AANAT: variants seen among roughly 807,000 people sequenced by gnomAD.
AANAT encodes the protein serotonin N-acetyltransferase.
Under a neutral mutation model 15.6 loss-of-function variants are expected in AANAT, and 11 were observed. The observed-to-expected ratio is 0.71, with a 90% CI of 0.44 to 1.17. The LOEUF is 1.17. Ranked by LOEUF, AANAT falls within the 50% of genes most tolerant of loss-of-function variation. The probability of loss-of-function intolerance (pLI) is 0.00; values close to 1 mark genes in which losing one functional copy is unlikely to be tolerated. For synonymous variants in AANAT, 139 were observed against 131.5 expected, an observed-to-expected ratio of 1.06 and a Z score of -0.39; for missense variants, 286 against 296.3, an observed-to-expected ratio of 0.97 and a Z score of 0.26.
chr17:76,457,236 T>C (rs183267387), intron 1 of AANAT, among the ~76,000 whole-genome samples: 61 of 152,014 alleles, frequency 4.0e-4, no homozygotes, highest in African/African-American at 1.2e-3. Context: ...AGAGACGGGG[T>C]TTACCATGTT....
chr17:76,466,350 A>G (rs1419685899), upstream of AANAT: 3 of 492,536 alleles, frequency 6.1e-6, no homozygotes, highest in Admixed American at 3.9e-5. Context: ...GGTGGGCCTC[A>G]GAGTGCAGAG....
rs377349199 is a variant in AANAT, at chr17:76,468,829, G to A, written c.83G>A (p.Arg28Gln). ...PGIPESPSCQ[R>Q]RHTLPASEFR... ...ATCCCCGAGTCCCCGAGCTGTCAGC[G>A]GCGCCACACACTCCCTGCCAGTGAG... Residue 28 changes from arginine (R) to glutamine (Q), a missense_variant, in exon 2 of 4, where the codon CGG becomes CAG. Arg to Gln is a conservative substitution (Grantham distance 43). Coordinates refer to ENST00000392492, the MANE Select transcript of AANAT (RefSeq NM_001088.3). 41 of 1,613,336 alleles carry A rather than the reference G, an allele frequency of 2.5e-5. No individual in the cohort carries two copies. The Middle Eastern group carries it at 9.9e-4, about 39-fold the overall frequency.
Position 76,468,897 on chromosome 17 carries a change from A to G in AANAT, c.151A>G (p.Ile51Val). ...GGAGGACGCTGTCAGCGCCTTTGAG[A>G]TCGAGCGTGAAGGTGAGTGGCCCCG... ...TPEDAVSAFE[I>V]EREAFISVLG... Residue 51 changes from isoleucine to valine, a missense_variant, in exon 2 of 4, where the codon ATC becomes GTC. Physicochemically the swap from Ile to Val is conservative, Grantham distance 29 (BLOSUM62 3). Coordinates refer to ENST00000392492, the MANE Select transcript of AANAT (RefSeq NM_001088.3). 1 of 1,613,294 alleles carries G rather than the reference A, an allele frequency of 6.2e-7. No homozygotes were observed. The highest frequency in any genetic ancestry group is 1.1e-5 in the South Asian group (1 of 91,060).
rs985239101 is a variant in AANAT at position 76,467,672 on chromosome 17, C to T, written c.-131C>T. 25 of 985,418 alleles carry T rather than the reference C, an allele frequency of 2.5e-5. No homozygotes were observed. The highest frequency in any genetic ancestry group is 2.4e-5 in the Non-Finnish European group (20 of 830,006). The allele number at this position is 985,418 out of a possible 1,614,324, so 61.0% of individuals were successfully genotyped here. ...ACTGGTTCCCGTGCCTGCGGACAGG[C>T]CCCCAGGGCTAGCGGCTTTGTGGAG... On this transcript the variant is annotated 5_prime_UTR_variant, in exon 1 of 4. Coordinates refer to ENST00000392492, the MANE Select transcript of AANAT (RefSeq NM_001088.3).
In AANAT at chr17:76,468,869, C is replaced by T; in HGVS notation, c.123C>T (p.Thr41=). Residue 41 remains threonine, a synonymous_variant, in exon 2 of 4, where the codon ACC becomes ACT. Coordinates refer to ENST00000392492, the MANE Select transcript of AANAT (RefSeq NM_001088.3). ...TLPASEFRCL[T]PEDAVSAFEI... is the part of the protein sequence containing the mutation. ...CTGCCAGTGAGTTTCGCTGCCTCACCCCGGAGGACGCTGTCAGCGCCTTTG... is the reference window on the plus strand; with the variant it reads ...CTGCCAGTGAGTTTCGCTGCCTCACTCCGGAGGACGCTGTCAGCGCCTTTG... The T allele has an allele frequency of 6.2e-7, 1 of 1,613,616 alleles. No individual in the cohort carries two copies.
chr17:76,456,334 GAAAAA>G (rs60616607), intron 1 of AANAT, among the ~76,000 whole-genome samples: 2 of 142,690 alleles, frequency 1.4e-5, no homozygotes, highest in Non-Finnish European at 1.5e-5. Context: ...TCCATCTCAG[GAAAAA>G]AAAAAAAAAA....
rs150273873 is a variant in AANAT, at chr17:76,460,722, A to G, written c.-456+1356A>G. On this transcript the variant is annotated intron_variant, in intron 2 of 6. Coordinates refer to the AANAT transcript ENST00000250615. ...GGAGCCGTAGGTCCCTTCTTTGTCC[A>G]GGAGGTGGCAATCCCTCCCTGCCTT... 4.2e-3 allele frequency among the ~76,000 whole-genome samples: 636 copies of G among 152,240 alleles called. 3 individuals are homozygous for G. The highest frequency in any genetic ancestry group is 0.014 in the African/African-American group (594 of 41,562).
upstream of AANAT, among the ~76,000 whole-genome samples, chr17:76,462,681 T>G (rs2073400431): frequency 6.6e-6 from 1 of 152,088 alleles, no homozygotes; most frequent in African/African-American, 2.4e-5. Context: ...GCCTGCCACG[T>G]GGTAGTACTC....
intron 1 of AANAT, among the ~76,000 whole-genome samples, chr17:76,455,190 G>A (rs556611777): frequency 2.0e-5 from 3 of 152,182 alleles, no homozygotes; most frequent in East Asian, 3.9e-4. Flanking sequence ...CTTTGACTGC[G>A]CCTGAAATCC....
upstream of AANAT, among the ~76,000 whole-genome samples, chr17:76,467,111 G>A (rs2073446429): frequency 1.3e-5 from 2 of 152,138 alleles, no homozygotes; most frequent in Admixed American, 6.5e-5. Context: ...GCCAAGGCCT[G>A]GGCAGCCCTG....
upstream of AANAT, among the ~76,000 whole-genome samples, chr17:76,462,669 G>T (rs1373402337): frequency 6.6e-6 from 1 of 152,174 alleles, no homozygotes; most frequent in East Asian, 1.9e-4. Flanking sequence ...ATCCCCCGGG[G>T]AGCCTGCCAC....
intron 1 of AANAT, among the ~76,000 whole-genome samples, chr17:76,457,321 C>T (rs760338357): frequency 1.7e-4 from 26 of 152,284 alleles, no homozygotes; most frequent in East Asian, 1.5e-3. Flanking sequence ...GGATTACAGG[C>T]ATAAGCCACC....
At chr17:76,453,418 C>T (rs1451741077) in exon 1 of AANAT, 1 of 285,938 alleles carries the variant, frequency 3.5e-6, no homozygotes, top group Non-Finnish European at 6.5e-6. Context: ...GGGGCGGGGA[C>T]CCGGGAGGAG....
At chr17:76,462,741 T>A (rs2073400873), upstream of AANAT, among the ~76,000 whole-genome samples, 1 of 152,168 alleles carries the variant, frequency 6.6e-6, no homozygotes, top group Admixed American at 6.5e-5. Flanking sequence ...GTGCCAGGTC[T>A]GTGGGGCAGA....
upstream of AANAT, among the ~76,000 whole-genome samples, chr17:76,466,791 T>C (rs1204659772): frequency 6.6e-6 from 1 of 152,142 alleles, no homozygotes; most frequent in Non-Finnish European, 1.5e-5. Context: ...ACATAGCAAG[T>C]GCTGTAAGCA....
intron 1 of AANAT, among the ~76,000 whole-genome samples, chr17:76,458,753 C>G (rs1006126932): frequency 6.6e-6 from 1 of 152,224 alleles, no homozygotes; most frequent in South Asian, 2.1e-4. Flanking sequence ...TCTGCGGGAG[C>G]CTGCTTGGCC....
In AANAT at chr17:76,469,181, T is replaced by C; in HGVS notation, c.172T>C (p.Ser58Pro). ...AFEIEREAFISVLGVCPLYLD... is the reference protein window; with the variant it reads ...AFEIEREAFIPVLGVCPLYLD... ...TGAGCCTCCTGCCACAGCCTTCATC[T>C]CCGTCTTGGGCGTCTGCCCCCTGTA... is the stretch of plus-strand genomic sequence containing the variant. The change falls in exon 3 of 4, where the codon TCC (serine) becomes CCC (proline). Residue 58 changes from serine to proline, a missense_variant. Ser to Pro is a moderately conservative substitution (Grantham distance 74, BLOSUM62 -1). Coordinates refer to ENST00000392492, the MANE Select transcript of AANAT (RefSeq NM_001088.3). This position sits in a 1 kb window ranked among gnomAD's most constrained non-coding sequence, Gnocchi z 5.2. 6.2e-7 allele frequency: 1 copy of C among 1,614,084 alleles called. No homozygotes were observed.
upstream of AANAT, among the ~76,000 whole-genome samples, chr17:76,464,746 C>A (rs1204843987): frequency 5.3e-5 from 8 of 151,664 alleles, no homozygotes; most frequent in Non-Finnish European, 8.8e-5. Context: ...TCATCTGTTA[C>A]AGCACCCCTG....
In AANAT at chr17:76,469,760, C is replaced by A. The variant is rs1355634303; in HGVS notation, c.414C>A (p.Ile138=). The A allele has an allele frequency of 5.1e-6, 8 of 1,580,040 alleles. No homozygotes were observed. The highest frequency in any genetic ancestry group is 1.3e-5 in the African/African-American group (1 of 74,242). Residue 138 remains isoleucine (I), a synonymous_variant, in exon 4 of 4, where the codon ATC becomes ATA. Coordinates refer to ENST00000392492, the MANE Select transcript of AANAT (RefSeq NM_001088.3). The surrounding 1 kb of genome is among the most constrained non-coding windows in gnomAD (Gnocchi z 5.2). ...RAFRQQGRGP[I]LLWRYLHHLG... is the part of the protein sequence containing the mutation. ...TCCGGCAGCAGGGCAGGGGCCCCATCCTGCTGTGGCGCTACCTGCACCACC... is the reference window on the plus strand; with the variant it reads ...TCCGGCAGCAGGGCAGGGGCCCCATACTGCTGTGGCGCTACCTGCACCACC...
Sources: gnomAD v4.1 joint callset for allele counts (sites outside exome capture counted in the v4.1 genomes callset) on GRCh38, gnomAD v4.1.1 for gene constraint, Gnocchi (gnomAD v3.1) non-coding constraint, MANE v1.5 for transcripts, NCBI Gene and HGNC (gene_info 2026-07-23, HGNC 2026-07-21) for gene names.